The following GTF2B variants were observed in gnomAD, a reference collection of about 807,000 sequenced individuals.
The protein encoded by GTF2B is general transcription factor IIB.
GTF2B carries 20 observed loss-of-function variants against 34.6 expected under a neutral mutation model. The ratio of observed to expected loss-of-function variants is 0.58; its 90% CI spans 0.41 to 0.84. The LOEUF (loss-of-function observed/expected upper bound fraction) is 0.84, where lower values mean the gene tolerates loss of function less well. Among genes scored for constraint, GTF2B ranks in the 40% least tolerant of loss-of-function variants. The pLI, the probability that GTF2B is intolerant of heterozygous loss-of-function variation, is 0.00. For synonymous variants in GTF2B, 142 were observed against 132.4 expected, an observed-to-expected ratio of 1.07 and a Z score of -0.50; for missense variants, 237 against 393.3, an observed-to-expected ratio of 0.60 and a Z score of 3.36.
intron 5 of GTF2B, among the ~76,000 whole-genome samples, chr1:88,858,045 G>A (rs376851664): frequency 2.6e-5 from 4 of 151,276 alleles, no homozygotes; most frequent in Non-Finnish European, 4.4e-5. Context: ...TCACTCTGTC[G>A]TCCAGACTGG....
intron 2 of GTF2B, among the ~76,000 whole-genome samples, chr1:88,882,962 GA>G (rs1673982794): frequency 6.6e-6 from 1 of 152,164 alleles, no homozygotes; most frequent in Admixed American, 6.6e-5. Context: ...ATTCAAGTCT[GA>G]AAAACACTGC....
chr1:88,876,621 C>T lies in GTF2B; in HGVS notation c.124+10640G>A, dbSNP rs903858817. Among the ~76,000 whole-genome samples the T allele has an allele frequency of 3.9e-5, 6 of 152,086 alleles. No homozygotes were observed. The South Asian group carries it at 6.2e-4, about 16-fold the overall frequency. On this transcript the variant is annotated intron_variant, in intron 2 of 6. Coordinates refer to ENST00000370500, the MANE Select transcript of GTF2B (RefSeq NM_001514.6). ...ACCTGAGCCTGAGAGGTCAAGGTTGCGGTGAGCCATAATCATGCCACTAGC... is the reference window on the plus strand; with the variant it reads ...ACCTGAGCCTGAGAGGTCAAGGTTGTGGTGAGCCATAATCATGCCACTAGC...
chr1:88,886,910 CATTATTATT>C (rs927910359), intron 2 of GTF2B, among the ~76,000 whole-genome samples: 1 of 150,764 alleles, frequency 6.6e-6, no homozygotes, highest in Non-Finnish European at 1.5e-5. Flanking sequence ...GGACCCTAAA[CATTATTATT>C]ATTATTATTT....
chr1:88,870,896 C>CTTT (rs1022965980), intron 2 of GTF2B, among the ~76,000 whole-genome samples: 151 of 109,168 alleles, frequency 1.4e-3, no homozygotes, highest in East Asian at 1.8e-3. Context: ...CTTACACAGT[C>CTTT]TTTTTTTTTT....
rs907976246 is a variant in GTF2B at position 88,887,168 on chromosome 1, C to T, written c.124+93G>A. ...TCCTGACCTCAGGTGATCCTCCCAC[C>T]TTGGCCTCCCGAAGTGCTGGAATTA... is the stretch of plus-strand genomic sequence containing the variant. On this transcript the variant is annotated intron_variant, in intron 2 of 6. Transcript: ENST00000370500. 4.3e-5 allele frequency: 32 copies of T among 740,976 alleles called. 1 individual carries two copies. The highest frequency in any genetic ancestry group is 1.4e-4 in the East Asian group (5 of 36,744). The allele number at this position is 740,976 out of a possible 1,614,324, so 45.9% of individuals were successfully genotyped here.
rs1570714101 is a variant in GTF2B, at chr1:88,853,048, T to A, written c.*165A>T. On this transcript the variant is annotated 3_prime_UTR_variant, in exon 7 of 7. Coordinates refer to ENST00000370500, the MANE Select transcript of GTF2B (RefSeq NM_001514.6). ...TAAGAAATTTAAATCATTAAATATGTTTCACTAGTATATACATACAGAATG... is the reference window on the plus strand; with the variant it reads ...TAAGAAATTTAAATCATTAAATATGATTCACTAGTATATACATACAGAATG... 4 of 584,584 alleles carry A rather than the reference T, an allele frequency of 6.8e-6. No individual in the cohort carries two copies. The East Asian group carries it at 8.8e-5, about 13-fold the overall frequency. 36.2% of individuals were successfully genotyped at this position (584,584 alleles called of 1,614,324 possible).
intron 2 of GTF2B, among the ~76,000 whole-genome samples, chr1:88,884,948 G>A (rs928579651): frequency 4.6e-5 from 7 of 152,232 alleles, no homozygotes; most frequent in Non-Finnish European, 8.8e-5. Context: ...AAATAGTGCA[G>A]TATGGCAACA....
intron 2 of GTF2B, among the ~76,000 whole-genome samples, chr1:88,870,124 C>T (rs1471730380): frequency 1.3e-5 from 2 of 152,034 alleles, no homozygotes; most frequent in Non-Finnish European, 2.9e-5. Context: ...GACAGGGTTT[C>T]ACTGTGTTAA....
rs1470912156 is a variant in GTF2B at position 88,857,212 on chromosome 1, G to T, written c.811C>A (p.Gln271Lys). 6 of 1,600,664 alleles carry T rather than the reference G, an allele frequency of 3.7e-6. No individual in the cohort carries two copies. The highest frequency in any genetic ancestry group is 2.3e-5 in the South Asian group (2 of 88,654). Residue 271 changes from glutamine (Q) to lysine (K), a missense_variant, in exon 6 of 7, where the codon CAA (glutamine) becomes AAA (lysine). Physicochemically the swap from Gln to Lys is moderately conservative, Grantham distance 53 (BLOSUM62 1). Around this residue, in one of 3 missense-constraint regions of GTF2B, gnomAD observed 78 missense variants for 116.6 expected, o/e 0.67. Coordinates refer to ENST00000370500, the MANE Select transcript of GTF2B (RefSeq NM_001514.6). ...ASQASAEKRT[Q>K]KEIGDIAGVA... is the part of the protein sequence containing the mutation. Reference sequence around the variant, plus strand: ...TCCTGATGACGAACCCTACCTTTTTGGGTCCTCTTTTCAGCTGATGCCTGT... The same window carrying T: ...TCCTGATGACGAACCCTACCTTTTTTGGTCCTCTTTTCAGCTGATGCCTGT...
chr1:88,859,404 T>G (rs1425147734), intron 5 of GTF2B, among the ~76,000 whole-genome samples: 1 of 152,148 alleles, frequency 6.6e-6, no homozygotes, highest in Non-Finnish European at 1.5e-5. Context: ...ATGCTATGAA[T>G]TTGCTGTCAA....
chr1:88,882,498 C>A (rs920193178), intron 2 of GTF2B, among the ~76,000 whole-genome samples: 1 of 152,006 alleles, frequency 6.6e-6, no homozygotes, highest in African/African-American at 2.4e-5. Context: ...TAAAGGGTGA[C>A]ATAGTAAGTA....
At chr1:88,889,453 C>T (rs1366824379) in intron 1 of GTF2B, among the ~76,000 whole-genome samples, 1 of 152,210 alleles carries the variant, frequency 6.6e-6, no homozygotes, top group Admixed American at 6.5e-5. Flanking sequence ...TCCCAAACCC[C>T]ATTTTATAGC....
intron 2 of GTF2B, among the ~76,000 whole-genome samples, chr1:88,872,024 C>T (rs1422750653): frequency 1.3e-5 from 2 of 152,116 alleles, no homozygotes; most frequent in Non-Finnish European, 2.9e-5. Flanking sequence ...TGAGCAATTG[C>T]GTCCAGCCCA....
chr1:88,867,234 A>G (rs567191331), intron 2 of GTF2B, among the ~76,000 whole-genome samples: 5 of 152,322 alleles, frequency 3.3e-5, no homozygotes, highest in Admixed American at 3.3e-4. Context: ...AATGACCACT[A>G]TATTTTCATA....
chr1:88,883,666 A>G lies in GTF2B; in HGVS notation c.124+3595T>C, dbSNP rs573058156. The stretch of plus-strand genomic sequence containing the variant: ...AACAGAGTGAGACTCTGTCTCAAAA[A>G]AAAAGTCACAGAACTGATATTGATA... On this transcript the variant is annotated intron_variant, in intron 2 of 6. Coordinates refer to ENST00000370500, the MANE Select transcript of GTF2B (RefSeq NM_001514.6). 1.6e-4 allele frequency among the ~76,000 whole-genome samples: 25 copies of G among 152,250 alleles called. 1 individual carries two copies. Among genetic ancestry groups the G allele is most frequent in the African/African-American group, 4.8e-4 (20 of 41,534 alleles).
At chr1:88,875,752 T>C (rs1029886714) in intron 2 of GTF2B, among the ~76,000 whole-genome samples, 2 of 152,218 alleles carry the variant, frequency 1.3e-5, no homozygotes, top group Admixed American at 1.3e-4. Context: ...GTTACCCTAC[T>C]CTCTTTCATA....
At chr1:88,879,835 C>G (rs942317142) in intron 2 of GTF2B, among the ~76,000 whole-genome samples, 4 of 151,942 alleles carry the variant, frequency 2.6e-5, no homozygotes, top group Admixed American at 6.6e-5. Flanking sequence ...GCGGGTGGAT[C>G]ACCTGAGGTC....
At chr1:88,883,617 G>A (rs865986067) in intron 2 of GTF2B, among the ~76,000 whole-genome samples, 66 of 151,578 alleles carry the variant, frequency 4.4e-4, no homozygotes, top group Admixed American at 2.2e-3. Context: ...AGTCATGATC[G>A]CACCACTGCA....
intron 6 of GTF2B, among the ~76,000 whole-genome samples, chr1:88,855,001 G>A (rs1345422640): frequency 6.6e-6 from 1 of 152,176 alleles, no homozygotes; most frequent in African/African-American, 2.4e-5. Flanking sequence ...GCTGTGCAGG[G>A]AAGAGAAAGA....
Sources: gnomAD v4.1 joint callset for allele counts (sites outside exome capture counted in the v4.1 genomes callset) on GRCh38, gnomAD v4.1.1 for gene constraint, gnomAD v4.1.1 regional missense constraint, MANE v1.5 for transcripts, NCBI Gene and HGNC (gene_info 2026-07-23, HGNC 2026-07-21) for gene names.